NAV1: variants seen among roughly 807,000 people sequenced by gnomAD.
The protein encoded by NAV1 is pore membrane and/or filament interacting like protein 3.
Under a neutral mutation model 175.2 loss-of-function variants are expected in NAV1, and 18 were observed. The observed-to-expected ratio is 0.10, with a 90% confidence interval of 0.07 to 0.15. NAV1 has a LOEUF of 0.15. NAV1 is among the 10% of genes least tolerant of loss of function. NAV1 has a pLI of 1.00. For missense variants in NAV1, 1,731 were observed against 2,436.6 expected (o/e 0.71, Z 6.10); for synonymous variants, 897 against 978.7 (o/e 0.92, Z 1.56).
intron 2 of NAV1, among the ~76,000 whole-genome samples, chr1:201,593,157 G>A (rs1435184435): frequency 6.6e-6 from 1 of 152,194 alleles, no homozygotes; most frequent in East Asian, 1.9e-4. Flanking sequence ...GATGTGGGGT[G>A]GGAATAGGGG....
At chr1:201,786,796 C>T (rs938891095) in intron 9 of NAV1, among the ~76,000 whole-genome samples, 19 of 152,182 alleles carry the variant, frequency 1.2e-4, no homozygotes, top group Non-Finnish European at 2.5e-4. Flanking sequence ...GTTGTAGGGT[C>T]CTTTTAGCAT....
chr1:201,636,654 G>T (rs542376161), intron 2 of NAV1, among the ~76,000 whole-genome samples: 4 of 152,290 alleles, frequency 2.6e-5, no homozygotes, highest in African/African-American at 9.6e-5. Context: ...GAAATGCTCA[G>T]TTGTCCCTTC....
chr1:201,698,261 C>T (rs569432932), intron 1 of NAV1, among the ~76,000 whole-genome samples: 1 of 152,360 alleles, frequency 6.6e-6, no homozygotes, highest in East Asian at 1.9e-4. Flanking sequence ...AACCCACCCA[C>T]CTTATCACTT....
chr1:201,782,609 C>A lies in NAV1; in HGVS notation c.2097C>A (p.Asp699Glu). The A allele has an allele frequency of 6.2e-7, 1 of 1,614,032 alleles. No individual in the cohort carries two copies. Among genetic ancestry groups the A allele is most frequent in the Non-Finnish European group, 8.5e-7 (1 of 1,179,980 alleles). The change falls in exon 6 of 30, where the codon GAC becomes GAA. Residue 699 changes from aspartate (D) to glutamate (E), a missense_variant. By Grantham distance (45) the Asp-to-Glu change is conservative (BLOSUM62 2). Coordinates refer to ENST00000367296, the Ensembl canonical transcript of NAV1. This position sits in a 1 kb window ranked among gnomAD's most constrained non-coding sequence, Gnocchi z 5.4. ...CTCGCCCTGTGAGCAGCAGCATTGACCCCAGTCTCCTCAGCACCAAGCAGG... is the reference window on the plus strand; with the variant it reads ...CTCGCCCTGTGAGCAGCAGCATTGAACCCAGTCTCCTCAGCACCAAGCAGG...
chr1:201,604,127 C>T (rs1359613383), intron 2 of NAV1, among the ~76,000 whole-genome samples: 1 of 152,190 alleles, frequency 6.6e-6, no homozygotes, highest in South Asian at 2.1e-4. Flanking sequence ...ACGATCACTG[C>T]TCACTGCAGC....
Position 201,811,055 on chromosome 1 carries a change from C to T in NAV1, c.4797+297C>T, listed in dbSNP as rs1014922367. Among the ~76,000 whole-genome samples the T allele has an allele frequency of 5.3e-5, 8 of 152,274 alleles. No homozygotes were observed. The East Asian group carries it at 1.5e-3, about 29-fold the overall frequency. ...TTTCCTTGCTTTGTGCACCTTCCTC[C>T]TCAGTTGGTCATTGATGAAACTGCA... On this transcript the variant is annotated intron_variant, in intron 24 of 29. Coordinates refer to ENST00000367296, the Ensembl canonical transcript of NAV1.
intron 4 of NAV1, 56 bp downstream of exon 8, chr1:201,780,615 T>C (rs1676263071): frequency 3.1e-6 from 5 of 1,609,142 alleles, no homozygotes; most frequent in Non-Finnish European, 4.3e-6. Flanking sequence ...ACAGGGCAAA[T>C]GGCATTATCT....
chr1:201,724,592 T>C (rs1185396739), intron 3 of NAV1: 1 of 152,460 alleles, frequency 6.6e-6, no homozygotes, highest in Non-Finnish European at 1.5e-5. Flanking sequence ...TCACATTACA[T>C]AGAGGTGTGA....
intron 1 of NAV1, among the ~76,000 whole-genome samples, chr1:201,698,043 CAA>C (rs1440832375): frequency 6.6e-6 from 1 of 152,220 alleles, no homozygotes; most frequent in African/African-American, 2.4e-5. Flanking sequence ...TGGGATTTGA[CAA>C]AGACTCTCTA....
chr1:201,605,346 T>A (rs1370749088), intron 2 of NAV1, among the ~76,000 whole-genome samples: 4 of 152,076 alleles, frequency 2.6e-5, no homozygotes, highest in African/African-American at 9.7e-5. Flanking sequence ...CAACAAGTAT[T>A]GCCAAAAGAG....
intron 3 of NAV1, among the ~76,000 whole-genome samples, chr1:201,720,006 G>A (rs1404018858): frequency 6.6e-6 from 1 of 152,240 alleles, no homozygotes; most frequent in African/African-American, 2.4e-5. Flanking sequence ...ACTGACGCAT[G>A]AATGGAGTTG....
chr1:201,686,765 A>G (rs766964300), intron 1 of NAV1, among the ~76,000 whole-genome samples: 11 of 152,244 alleles, frequency 7.2e-5, no homozygotes, highest in Non-Finnish European at 1.2e-4. Flanking sequence ...GCAGCAATCT[A>G]TCCTTTTCTT....
At position 201,802,776 on chromosome 1, in the gene NAV1, C is replaced by T. The variant is rs571996357; in HGVS notation, c.3518-817C>T. Among the ~76,000 whole-genome samples, 29 of 150,880 alleles carry T rather than the reference C, an allele frequency of 1.9e-4. No individual in the cohort carries two copies. The South Asian group carries it at 2.1e-3, about 11-fold the overall frequency. On this transcript the variant is annotated intron_variant, in intron 15 of 29. Coordinates refer to ENST00000367296, the Ensembl canonical transcript of NAV1. ...CCTGGGTGACAGAGCAAGACTCCAT[C>T]TCAAAAAAAAAAAGAAAGAAAAAGG...
In NAV1 at chr1:201,589,812, G is replaced by A. The variant is rs78660488; in HGVS notation, c.-33+1163G>A. Among the ~76,000 whole-genome samples the A allele has an allele frequency of 6.1e-3, 922 of 151,674 alleles. 10 individuals carry two copies. Among genetic ancestry groups the A allele is most frequent in the African/African-American group, 0.02 (826 of 41,344 alleles). ...CGGCCTGTTATTTGTTATTGTCTGA[G>A]CACATATTATGGGATGACCCCAAAG... On this transcript the variant is annotated intron_variant, in intron 2 of 33. Coordinates refer to the NAV1 transcript ENST00000685211.
intron 3 of NAV1, among the ~76,000 whole-genome samples, chr1:201,721,584 C>T (rs1310976827): frequency 6.6e-6 from 1 of 152,200 alleles, no homozygotes; most frequent in Non-Finnish European, 1.5e-5. Context: ...TAGAAAATGT[C>T]CTATTTCTTA....
At chr1:201,748,308 A>C (rs1325799927) in intron 3 of NAV1, among the ~76,000 whole-genome samples, 1 of 152,148 alleles carries the variant, frequency 6.6e-6, no homozygotes, top group Non-Finnish European at 1.5e-5. Context: ...GGTGCATCTC[A>C]TGTTTGCCAT....
intron 17 of NAV1, among the ~76,000 whole-genome samples, chr1:201,806,580 CTGGATTGAAAA>C (rs1261195364): frequency 3.3e-5 from 5 of 152,232 alleles, no homozygotes; most frequent in African/African-American, 1.2e-4. Flanking sequence ...GAAAACTTCA[CTGGATTGAAAA>C]TTAGGAAGCC....
chr1:201,606,310 T>G (rs1349187805), intron 2 of NAV1, among the ~76,000 whole-genome samples: 1 of 152,208 alleles, frequency 6.6e-6, no homozygotes, highest in Non-Finnish European at 1.5e-5. Flanking sequence ...CTACCTGGTC[T>G]GTCTTTATTG....
chr1:201,739,817 C>T, intron 3 of NAV1: 1 of 1,233,858 alleles, frequency 8.1e-7, no homozygotes, highest in South Asian at 4.1e-5. Context: ...GGAAATGGGG[C>T]TCTGTCACTT....
Sources: allele counts gnomAD v4.1 joint callset (sites outside exome capture counted in the v4.1 genomes callset), GRCh38; gene constraint gnomAD v4.1.1; non-coding constraint Gnocchi (gnomAD v3.1); transcripts MANE v1.5; gene names NCBI Gene and HGNC (gene_info 2026-07-23, HGNC 2026-07-21).